Variants in ZCCHC14 observed in about 807,000 individuals in gnomAD.
ZCCHC14 encodes the protein zinc finger CCHC-type containing 14.
Under a neutral mutation model 85.0 loss-of-function variants are expected in ZCCHC14, and 16 were observed. The ratio of observed to expected loss-of-function variants is 0.19; its 90% CI spans 0.13 to 0.29. The LOEUF (loss-of-function observed/expected upper bound fraction) is 0.29, where lower values mean the gene tolerates loss of function less well. Among genes scored for constraint, ZCCHC14 ranks in the 10% least tolerant of loss-of-function variants. The pLI is 1.00. For missense variants in ZCCHC14, 1,303 were observed against 1,443.5 expected, an observed-to-expected ratio of 0.90 and a Z score of 1.58; for synonymous variants, 775 against 630.7, an observed-to-expected ratio of 1.23 and a Z score of -3.43.
intron 2 of ZCCHC14, among the ~76,000 whole-genome samples, chr16:87,438,787 G>A (rs929135636): frequency 6.6e-6 from 1 of 152,022 alleles, no homozygotes; most frequent in South Asian, 2.1e-4. Flanking sequence ...GCCCACCGTC[G>A]GCACTGCCCC....
At chr16:87,488,744 A>G (rs1343447535) in intron 1 of ZCCHC14, among the ~76,000 whole-genome samples, 1 of 152,102 alleles carries the variant, frequency 6.6e-6, no homozygotes, top group African/African-American at 2.4e-5. Context: ...CTCCTGGCTA[A>G]TTTTTGTATT....
intron 1 of ZCCHC14, among the ~76,000 whole-genome samples, chr16:87,462,083 C>T (rs1304530243): frequency 6.9e-6 from 1 of 144,204 alleles, no homozygotes; most frequent in Non-Finnish European, 1.5e-5. Flanking sequence ...GCCTGGGTAA[C>T]AGCGAGACCC....
rs533426076 is a variant in ZCCHC14 at position 87,442,702 on chromosome 16, C to T, written c.695-9501G>A. 5.9e-5 allele frequency among the ~76,000 whole-genome samples: 9 copies of T among 152,302 alleles called. No individual in the cohort carries two copies. The South Asian group carries it at 1.7e-3, about 28-fold the overall frequency. On this transcript the variant is annotated intron_variant, in intron 2 of 12. Transcript: ENST00000671377. ...CAAGATAAGCCCAAAGAAATCAACA[C>T]CCACACACGTCATAAGCACAATGCT...
chr16:87,487,369 C>T (rs144536043), intron 1 of ZCCHC14, among the ~76,000 whole-genome samples: 34 of 152,346 alleles, frequency 2.2e-4, no homozygotes, highest in Non-Finnish European at 3.7e-4. Flanking sequence ...GAAACACAAA[C>T]GGCAGGGCCC....
At chr16:87,487,809 G>C (rs991991722) in intron 1 of ZCCHC14, among the ~76,000 whole-genome samples, 1 of 152,238 alleles carries the variant, frequency 6.6e-6, no homozygotes, top group Non-Finnish European at 1.5e-5. Context: ...GGCAGCGAAA[G>C]AGGAGGAAGT....
intron 1 of ZCCHC14, chr16:87,471,748 G>C (rs578231111): frequency 6.6e-6 from 1 of 152,266 alleles, no homozygotes; most frequent in Non-Finnish European, 1.5e-5. Flanking sequence ...CTAAAGTCGA[G>C]AGCCCTAGGG....
chr16:87,459,861 T>C (rs933932020), intron 2 of ZCCHC14, 147 bp downstream of exon 2: 11 of 1,269,168 alleles, frequency 8.7e-6, no homozygotes, highest in Non-Finnish European at 1.1e-5. Context: ...AGCATATTCA[T>C]GTATTGCTTA....
intron 2 of ZCCHC14, among the ~76,000 whole-genome samples, chr16:87,439,724 C>G (rs931412372): frequency 6.6e-6 from 1 of 152,170 alleles, no homozygotes; most frequent in African/African-American, 2.4e-5. Context: ...TAAAAAACCA[C>G]ATACATTTTA....
intron 3 of ZCCHC14, among the ~76,000 whole-genome samples, 176 bp from the exon 4 acceptor site, chr16:87,424,057 A>G (rs1168554060): frequency 1.3e-5 from 2 of 152,222 alleles, no homozygotes; most frequent in African/African-American, 4.8e-5. Flanking sequence ...GAAGAGTCAC[A>G]TAGCTCCAGG....
intron 2 of ZCCHC14, among the ~76,000 whole-genome samples, chr16:87,449,515 C>G (rs11644573): frequency 1.3e-5 from 2 of 151,848 alleles, no homozygotes; most frequent in African/African-American, 4.8e-5. Context: ...AATTCAGCAA[C>G]GCCACCAAGA....
chr16:87,462,771 AAAAC>A (rs1468779145), intron 1 of ZCCHC14, among the ~76,000 whole-genome samples: 6 of 150,668 alleles, frequency 4.0e-5, no homozygotes, highest in Non-Finnish European at 5.9e-5. Context: ...AAAAAGAAAA[AAAAC>A]AAACACGGCC....
intron 2 of ZCCHC14, among the ~76,000 whole-genome samples, chr16:87,433,689 C>T (rs1350127310): frequency 2.0e-5 from 3 of 151,468 alleles, no homozygotes; most frequent in African/African-American, 7.3e-5. Flanking sequence ...TTTTTTGAGA[C>T]GGAGTCTCAC....
chr16:87,461,177 AAGCCACGGGCT>A (rs1190827147), intron 1 of ZCCHC14, among the ~76,000 whole-genome samples: 2 of 152,164 alleles, frequency 1.3e-5, no homozygotes, highest in African/African-American at 4.8e-5. Context: ...GCGCAGAAAC[AAGCCACGGGCT>A]AGCCAGGCTC....
intron 4 of ZCCHC14, among the ~76,000 whole-genome samples, chr16:87,422,210 T>C (rs887751878): frequency 2.6e-5 from 4 of 152,098 alleles, no homozygotes; most frequent in African/African-American, 4.8e-5. Flanking sequence ...AAATGAGGAC[T>C]TGAGTACATG....
chr16:87,485,461 T>G (rs985897519), intron 1 of ZCCHC14, among the ~76,000 whole-genome samples: 11 of 152,100 alleles, frequency 7.2e-5, no homozygotes, highest in African/African-American at 2.7e-4. Flanking sequence ...AACTAATTTC[T>G]AAACTGCGTA....
At chr16:87,435,145 ACTT>A (rs540084757) in intron 2 of ZCCHC14, among the ~76,000 whole-genome samples, 192 of 152,232 alleles carry the variant, frequency 1.3e-3, no homozygotes, top group Admixed American at 3.7e-3. Flanking sequence ...TTTTTTGGCA[ACTT>A]CTTCTCCTAA....
chr16:87,485,067 A>G (rs1423140289), intron 1 of ZCCHC14, among the ~76,000 whole-genome samples: 2 of 152,188 alleles, frequency 1.3e-5, no homozygotes, highest in African/African-American at 4.8e-5. Flanking sequence ...GTGAGCCTGC[A>G]AAGCACCCGC....
intron 2 of ZCCHC14, among the ~76,000 whole-genome samples, chr16:87,458,470 G>T (rs936660053): frequency 2.0e-5 from 3 of 152,298 alleles, no homozygotes; most frequent in Non-Finnish European, 4.4e-5. Context: ...TGCTACGAGG[G>T]TCAAGTGGGG....
At position 87,413,101 on chromosome 16, in the gene ZCCHC14, T is replaced by C; in HGVS notation, c.1698A>G (p.Val566=). 1 of 1,614,042 alleles carries C rather than the reference T, an allele frequency of 6.2e-7. No homozygotes were observed. The highest frequency in any genetic ancestry group is 8.5e-7 in the Non-Finnish European group (1 of 1,179,994). The change falls in exon 11 of 13, where the codon GTA becomes GTG. Residue 566 remains valine (V), a synonymous_variant. Coordinates refer to ENST00000671377, the MANE Select transcript of ZCCHC14 (RefSeq NM_015144.3). The stretch of plus-strand genomic sequence containing the variant: ...TGTCGGAGCTCTCTTCCCGGGCCTG[T>C]ACCCCCATGGGGCTGGAGGAGGAGC... ...YSSSSSSPMG[V]QAREESSDSA...
Sources: allele counts gnomAD v4.1 joint callset (sites outside exome capture counted in the v4.1 genomes callset), GRCh38; gene constraint gnomAD v4.1.1; transcripts MANE v1.5; gene names NCBI Gene and HGNC (gene_info 2026-07-23, HGNC 2026-07-21).